FMO1: variants seen among roughly 807,000 people sequenced by gnomAD.
FMO1 encodes flavin containing dimethylaniline monoxygenase 1.
A neutral mutation model predicts 45.4 loss-of-function variants in FMO1; 36 were observed. The ratio of observed to expected loss-of-function variants is 0.79; its 90% confidence interval spans 0.61 to 1.05. The LOEUF is 1.05. FMO1 is among the 50% of genes least tolerant of loss of function. The pLI is 0.00. For missense variants in FMO1, 615 were observed against 640.3 expected, an observed-to-expected ratio of 0.96 and a Z score of 0.43; for synonymous variants, 228 against 227.2, an observed-to-expected ratio of 1.00 and a Z score of -0.03.
chr1:171,284,963 T>C (rs182834271), intron 8 of FMO1, among the ~76,000 whole-genome samples: 3 of 152,236 alleles, frequency 2.0e-5, no homozygotes, highest in East Asian at 3.9e-4. Flanking sequence ...AGAACTAAGA[T>C]GCATTATGAG....
chr1:171,282,372 G>T (rs758939084), intron 7 of FMO1, 39 bp downstream of exon 7: 8 of 1,343,588 alleles, frequency 6.0e-6, no homozygotes, highest in African/African-American at 4.4e-5. Context: ...TTTTTGGTGT[G>T]CCATGTGATT....
In FMO1 at chr1:171,267,650, CTA is replaced by C; in HGVS notation, c.242_243del (p.Tyr81CysfsTer18). 6.2e-7 allele frequency: 1 copy of C among 1,614,046 alleles called. No homozygotes were observed. Among genetic ancestry groups the C allele is most frequent in the Non-Finnish European group, 8.5e-7 (1 of 1,179,892 alleles). On this transcript the variant is annotated frameshift_variant, in exon 3 of 9. Coordinates refer to ENST00000617670, the MANE Select transcript of FMO1 (RefSeq NM_001282693.2). LOFTEE classifies it high-confidence loss of function. ...TTCCATTCCCAGAAGATTATCCAAA[CTA>C]TGTGCCAAATTCTCAATTCCTGGAA... Reference protein sequence around the residue: ...DFPFPEDYPNYVPNSQFLEYL... With the variant: ...DFPFPEDYPNXVPNSQFLEYL...
chr1:171,265,352 C>T (rs1660572862), intron 2 of FMO1, among the ~76,000 whole-genome samples: 1 of 150,626 alleles, frequency 6.6e-6, no homozygotes, highest in Non-Finnish European at 1.5e-5. Context: ...GATTAAGCCA[C>T]TGCACGCTAG....
rs747791324 is a variant in FMO1, at chr1:171,278,716, T to C, written c.485-13T>C. ...GTTAATTCTCTGTGTGACTTCTCTT[T>C]TATTTTCTATAGGTATTAATGCCTT... is the stretch of plus-strand genomic sequence containing the variant. On this transcript the variant is annotated splice_polypyrimidine_tract_variant and intron_variant, in intron 4 of 8. Transcript: ENST00000617670. The C allele has an allele frequency of 2.6e-6, 4 of 1,552,908 alleles. No individual in the cohort carries two copies. Among genetic ancestry groups the C allele is most frequent in the South Asian group, 1.2e-5 (1 of 82,858 alleles).
intron 2 of FMO1, among the ~76,000 whole-genome samples, chr1:171,262,825 C>G (rs898353911): frequency 1.3e-5 from 2 of 152,158 alleles, no homozygotes; most frequent in African/African-American, 4.8e-5. Context: ...TCTGAGGTTT[C>G]CACAGCTCTC....
intron 4 of FMO1, among the ~76,000 whole-genome samples, chr1:171,276,735 C>T (rs1661125661): frequency 6.6e-6 from 1 of 152,132 alleles, no homozygotes; most frequent in Non-Finnish European, 1.5e-5. Flanking sequence ...TGCATATGAC[C>T]TGTAGTGATT....
intron 4 of FMO1, among the ~76,000 whole-genome samples, chr1:171,277,551 A>C (rs1571355696): frequency 6.6e-6 from 1 of 152,196 alleles, no homozygotes; most frequent in Non-Finnish European, 1.5e-5. Flanking sequence ...TAGTCTGTTA[A>C]GAGACAGCCA....
intron 1 of FMO1, among the ~76,000 whole-genome samples, chr1:171,249,319 T>A (rs1659774206): frequency 6.6e-6 from 1 of 152,102 alleles, no homozygotes; most frequent in African/African-American, 2.4e-5. Context: ...AGAAACTGAG[T>A]CCTTGGTTAT....
At chr1:171,256,256 G>GA (rs1164546233) in intron 1 of FMO1, among the ~76,000 whole-genome samples, 1 of 123,564 alleles carries the variant, frequency 8.1e-6, no homozygotes, top group African/African-American at 3.4e-5. Flanking sequence ...CTGGGCAACA[G>GA]TGCAAGACTC....
At chr1:171,258,938 T>C (rs1660277707) in intron 2 of FMO1, among the ~76,000 whole-genome samples, 1 of 152,186 alleles carries the variant, frequency 6.6e-6, no homozygotes, top group Admixed American at 6.5e-5. Flanking sequence ...CTTAAAGCCA[T>C]TGAAACCCTG....
intron 5 of FMO1, 86 bp from the exon 6 acceptor site, chr1:171,280,700 C>T: frequency 1.8e-6 from 2 of 1,127,968 alleles, no homozygotes; most frequent in Non-Finnish European, 2.7e-6. Flanking sequence ...AGTGCCTTTC[C>T]ATTCATGACA....
rs764194713 is a variant in FMO1 at position 171,282,030 on chromosome 1, A to C, written c.880A>C (p.Thr294Pro). ...LNDELPGRIITGKVFIRPSIK... is the reference protein window; with the variant it reads ...LNDELPGRIIPGKVFIRPSIK... ...TGATGAGCTCCCAGGACGCATCATCACTGGGAAAGTGTTCATCAGGCCAAG... is the reference window on the plus strand; with the variant it reads ...TGATGAGCTCCCAGGACGCATCATCCCTGGGAAAGTGTTCATCAGGCCAAG... Residue 294 changes from threonine to proline, a missense_variant, in exon 7 of 9, where the codon ACT becomes CCT. Transcript: ENST00000617670. 1 of 1,613,422 alleles carries C rather than the reference A, an allele frequency of 6.2e-7. No homozygotes were observed. The highest frequency in any genetic ancestry group is 1.1e-5 in the South Asian group (1 of 91,036).
intron 8 of FMO1, 78 bp downstream of exon 8, chr1:171,283,294 A>AGG (rs1661465682): frequency 1.7e-6 from 1 of 590,642 alleles, no homozygotes; most frequent in Non-Finnish European, 2.7e-6. Context: ...AAAAAAAAAA[A>AGG]AAAGGAAATG....
At chr1:171,262,541 A>G (rs1571335909) in intron 2 of FMO1, among the ~76,000 whole-genome samples, 1 of 152,138 alleles carries the variant, frequency 6.6e-6, no homozygotes, top group Non-Finnish European at 1.5e-5. Flanking sequence ...AAACCCTACT[A>G]TGTGCCTTAC....
intron 8 of FMO1, 146 bp downstream of exon 8, chr1:171,283,362 C>T: frequency 2.0e-6 from 1 of 490,968 alleles, no homozygotes; most frequent in Non-Finnish European, 3.5e-6. Context: ...AAAAAAGAAG[C>T]ATCTGAGACT....
chr1:171,272,478 C>G (rs1261106082), intron 3 of FMO1, among the ~76,000 whole-genome samples: 2 of 152,178 alleles, frequency 1.3e-5, no homozygotes, highest in Non-Finnish European at 2.9e-5. Flanking sequence ...GATCCACTGT[C>G]AGCTTGCATG....
intron 8 of FMO1, among the ~76,000 whole-genome samples, chr1:171,284,275 A>C (rs936761626): frequency 6.6e-6 from 1 of 152,000 alleles, no homozygotes; most frequent in Non-Finnish European, 1.5e-5. Flanking sequence ...TCAAGGGTTG[A>C]TCTATCCTTG....
At chr1:171,277,947 C>T (rs184842600) in intron 4 of FMO1, among the ~76,000 whole-genome samples, 1 of 152,228 alleles carries the variant, frequency 6.6e-6, no homozygotes, top group East Asian at 1.9e-4. Context: ...GCACATATTA[C>T]TTCTGATTAT....
In FMO1 at chr1:171,275,441, C is replaced by A. The variant is rs547477945; in HGVS notation, c.417C>A (p.Ile139=). The A allele has an allele frequency of 6.2e-7, 1 of 1,613,528 alleles. No homozygotes were observed. The highest frequency in any genetic ancestry group is 1.3e-5 in the African/African-American group (1 of 75,006). ...ATGAAGAGAAGCAAGAGTCAGCCATCTTTGATGCTGTCATGGTCTGCACTG... is the reference window on the plus strand; with the variant it reads ...ATGAAGAGAAGCAAGAGTCAGCCATATTTGATGCTGTCATGGTCTGCACTG... ...TMHEEKQESA[I]FDAVMVCTGF... Residue 139 remains isoleucine, a synonymous_variant, in exon 4 of 9, where the codon ATC becomes ATA. Transcript: ENST00000617670.
Sources: gnomAD v4.1 joint callset for allele counts (sites outside exome capture counted in the v4.1 genomes callset) on GRCh38, gnomAD v4.1.1 for gene constraint, MANE v1.5 for transcripts, NCBI Gene and HGNC (gene_info 2026-07-23, HGNC 2026-07-21) for gene names.